The following WDR1 variants were observed in gnomAD, a reference collection of about 807,000 sequenced individuals.
WDR1 encodes WD repeat-containing protein 1.
In WDR1, 21 loss-of-function variants were observed where a neutral mutation model predicts 71.9. The observed-to-expected ratio is 0.29, with a 90% confidence interval of 0.21 to 0.42. The LOEUF (loss-of-function observed/expected upper bound fraction) is 0.42. Ranked by LOEUF, WDR1 falls within the 10% of genes least tolerant of loss-of-function variation. The probability of loss-of-function intolerance (pLI) is 1.00; values close to 1 mark genes in which losing one functional copy is unlikely to be tolerated. For synonymous variants in WDR1, 424 were observed against 347.4 expected (o/e 1.22, Z -2.45); for missense variants, 696 against 824.5 (o/e 0.84, Z 1.91).
intron 3 of WDR1, among the ~76,000 whole-genome samples, chr4:10,102,308 A>C (rs1044215010): frequency 2.0e-5 from 3 of 152,360 alleles, no homozygotes; most frequent in African/African-American, 7.2e-5. Context: ...CTACGCCACC[A>C]GTAAGAGGCT....
Position 10,078,999 on chromosome 4 carries a change from A to T in WDR1, c.1287T>A (p.Ile429=). 1 of 1,601,268 alleles carries T rather than the reference A, an allele frequency of 6.2e-7. No individual in the cohort carries two copies. Among genetic ancestry groups the T allele is most frequent in the Non-Finnish European group, 8.5e-7 (1 of 1,172,618 alleles). Residue 429 remains isoleucine, a splice_region_variant and synonymous_variant, in exon 12 of 15, where the codon ATT becomes ATA. Coordinates refer to ENST00000499869, the MANE Select transcript of WDR1 (RefSeq NM_017491.5). ...ACTTCCTCTGATCCTTCAGCAGGAC[A>T]ATCTGTGGCACACACAGGCAGCTGG... ...GYAVVVCIGQ[I]VLLKDQRKCF... is the part of the protein sequence containing the mutation.
intron 3 of WDR1, among the ~76,000 whole-genome samples, chr4:10,099,651 G>A (rs913650248): frequency 6.6e-6 from 1 of 152,258 alleles, no homozygotes; most frequent in Admixed American, 6.5e-5. Flanking sequence ...AGGGTGCAGC[G>A]TGCTGCCCAC....
intron 14 of WDR1, chr4:10,077,030 G>A: frequency 2.3e-6 from 1 of 436,898 alleles, no homozygotes; most frequent in Non-Finnish European, 4.1e-6. Flanking sequence ...TGGGATTTAA[G>A]GGGTGAGTGG....
At chr4:10,093,587 G>T (rs147550067) in intron 5 of WDR1, among the ~76,000 whole-genome samples, 1 of 152,240 alleles carries the variant, frequency 6.6e-6, no homozygotes, top group Admixed American at 6.5e-5. Flanking sequence ...ATGTTCCCTG[G>T]AGAACAAGGA....
At chr4:10,100,469 G>A (rs946116219) in intron 3 of WDR1, among the ~76,000 whole-genome samples, 1 of 152,352 alleles carries the variant, frequency 6.6e-6, no homozygotes, top group Middle Eastern at 3.4e-3. Context: ...ATTAACGGAG[G>A]CTCTACACAG....
In WDR1 at chr4:10,084,564, T is replaced by G. The variant is rs2241475; in HGVS notation, c.952-34A>C. ...GAGACACACTGGGCGGGTAAGCTGA[T>G]GACACACTGCCCTGCCCTCTGCCAC... On this transcript the variant is annotated intron_variant, in intron 8 of 14. Coordinates refer to ENST00000499869, the MANE Select transcript of WDR1 (RefSeq NM_017491.5). The G allele has an allele frequency of 0.33, 520,651 of 1,601,054 alleles. 86,159 individuals are homozygous for G. Among genetic ancestry groups the G allele is most frequent in the East Asian group, 0.53 (23,658 of 44,632 alleles).
chr4:10,084,635 C>A, intron 8 of WDR1, 105 bp from the exon 9 acceptor site: 2 of 1,052,888 alleles, frequency 1.9e-6, no homozygotes, highest in African/African-American at 1.6e-5. Context: ...GGGGCAGACG[C>A]CCCTCAATCC....
intron 2 of WDR1, among the ~76,000 whole-genome samples, chr4:10,107,453 C>A (rs903676820): frequency 6.6e-6 from 1 of 152,242 alleles, no homozygotes; most frequent in African/African-American, 2.4e-5. Context: ...CACGGTCCGG[C>A]TTGCAACCCA....
chr4:10,094,450 A>G (rs1712198205), intron 5 of WDR1, among the ~76,000 whole-genome samples: 1 of 152,194 alleles, frequency 6.6e-6, no homozygotes, highest in Non-Finnish European at 1.5e-5. Context: ...ATCCAGGAGT[A>G]CCTATCCCAG....
In WDR1 at chr4:10,097,713, C is replaced by A. The variant is rs777111353; in HGVS notation, c.556G>T (p.Gly186Cys). 6.8e-6 allele frequency: 11 copies of A among 1,608,038 alleles called. No individual in the cohort carries two copies. The East Asian group carries it at 2.5e-4, about 36-fold the overall frequency. ...GPPFKFKFTI[G>C]DHSRFVNCVR... ...ACCCAAAAAGTAAGTTCACTTACGC[C>A]AATTGTGAACTTGAACTTGAATGGG... The change falls in exon 5 of 15, where the codon GGC becomes TGC. Residue 186 changes from glycine (G) to cysteine (C), a missense_variant and splice_region_variant. Gly to Cys is a radical substitution (Grantham distance 159). Transcript: ENST00000499869.
intron 8 of WDR1, 83 bp from the exon 9 acceptor site, chr4:10,084,613 T>G: frequency 9.5e-5 from 117 of 1,225,448 alleles, no homozygotes; most frequent in Non-Finnish European, 1.2e-4. Context: ...ACGAAGCTTC[T>G]GGGTAATGGA....
At chr4:10,092,170 G>C (rs1462031780) in intron 5 of WDR1, 1 of 103,716 alleles carries the variant, frequency 9.6e-6, no homozygotes, top group Non-Finnish European at 2.3e-5. Context: ...GGAGATGGCT[G>C]GGCCTGGCTG....
chr4:10,100,252 C>T (rs1245509790), intron 3 of WDR1, among the ~76,000 whole-genome samples: 3 of 152,202 alleles, frequency 2.0e-5, no homozygotes, highest in East Asian at 1.9e-4. Flanking sequence ...GGAGCAGGGG[C>T]CCTGGGTTCA....
At chr4:10,084,324 C>T (rs1765126199) in intron 9 of WDR1, 119 bp downstream of exon 9, 5 of 845,376 alleles carry the variant, frequency 5.9e-6, no homozygotes, top group African/African-American at 5.1e-5. Flanking sequence ...GTCAGAAGAG[C>T]GTGTGGCTGT....
Position 10,088,757 on chromosome 4 carries a change from T to G in WDR1, c.559-16A>C, listed in dbSNP as rs1711766826. ...GGCTGTGGTCCTGCAGGAAAACAATTACCTGCCTGATGAGGGGCCGCAGGC... is the reference window on the plus strand; with the variant it reads ...GGCTGTGGTCCTGCAGGAAAACAATGACCTGCCTGATGAGGGGCCGCAGGC... On this transcript the variant is annotated splice_polypyrimidine_tract_variant and intron_variant, in intron 5 of 14. Transcript: ENST00000499869. The G allele has an allele frequency of 6.3e-7, 1 of 1,578,872 alleles. No individual in the cohort carries two copies. Among genetic ancestry groups the G allele is most frequent in the Non-Finnish European group, 8.6e-7 (1 of 1,160,928 alleles).
intron 4 of WDR1, among the ~76,000 whole-genome samples, chr4:10,098,665 C>T (rs571206166): frequency 2.9e-4 from 44 of 152,302 alleles, no homozygotes; most frequent in South Asian, 8.3e-4. Context: ...TGAGGGACCC[C>T]GAATAGAAGT....
intron 9 of WDR1, 141 bp from the exon 10 acceptor site, chr4:10,083,319 G>T: frequency 9.1e-7 from 1 of 1,103,628 alleles, no homozygotes; most frequent in Non-Finnish European, 1.3e-6. Context: ...TGGGAAGCCT[G>T]CAGTGTCCAC....
Position 10,113,118 on chromosome 4 carries a change from G to A in WDR1, c.138+2995C>T, listed in dbSNP as rs535693178. Among the ~76,000 whole-genome samples, 17 of 152,342 alleles carry A rather than the reference G, an allele frequency of 1.1e-4. 1 individual carries two copies. The East Asian group carries it at 3.1e-3, about 28-fold the overall frequency. On this transcript the variant is annotated intron_variant, in intron 2 of 14. Transcript: ENST00000499869. Reference sequence around the variant, plus strand: ...CGCCTGTATCCCAGGACTTTGGGAGGCCAAGGCGAGCGAGCAGATCACTTG... The same window carrying A: ...CGCCTGTATCCCAGGACTTTGGGAGACCAAGGCGAGCGAGCAGATCACTTG...
intron 2 of WDR1, among the ~76,000 whole-genome samples, chr4:10,107,544 C>T (rs937304693): frequency 5.9e-5 from 9 of 152,188 alleles, no homozygotes; most frequent in Non-Finnish European, 1.2e-4. Flanking sequence ...ACTCCTTGGG[C>T]TGACTACCCC....
Sources: allele counts gnomAD v4.1 joint callset (sites outside exome capture counted in the v4.1 genomes callset), GRCh38; gene constraint gnomAD v4.1.1; transcripts MANE v1.5; gene names NCBI Gene and HGNC (gene_info 2026-07-23, HGNC 2026-07-21).